GLI3: variants seen among roughly 807,000 people sequenced by gnomAD.
The protein encoded by GLI3 is GLI family zinc finger 3.
In GLI3, 20 loss-of-function variants were observed where a neutral mutation model predicts 100.8. The ratio of observed to expected loss-of-function variants is 0.20; its 90% CI spans 0.14 to 0.29. The LOEUF (loss-of-function observed/expected upper bound fraction) is 0.29, where lower values mean the gene tolerates loss of function less well. Ranked by LOEUF, GLI3 falls within the 10% of genes least tolerant of loss-of-function variation. The pLI is 1.00. For synonymous variants in GLI3, 938 were observed against 860.5 expected (o/e 1.09, Z -1.58); for missense variants, 2,040 against 2,128.5 (o/e 0.96, Z 0.82).
chr7:41,962,717 CTTTAT>C lies in GLI3; in HGVS notation c.*1608_*1612del, dbSNP rs1441496061. 13 of 152,260 alleles carry C rather than the reference CTTTAT, an allele frequency of 8.5e-5. No individual in the cohort carries two copies. The highest frequency in any genetic ancestry group is 3.1e-4 in the African/African-American group (13 of 41,548). The allele number at this position is 152,260 out of a possible 1,614,324, so 9.4% of individuals were successfully genotyped here. On this transcript the variant is annotated 3_prime_UTR_variant, in exon 15 of 15. Coordinates refer to ENST00000395925, the MANE Select transcript of GLI3 (RefSeq NM_000168.6). ...TTAACACTCTTTCTATTATCTAACA[CTTTAT>C]TTTACTTGATTTTGTCTTTCTACTG...
At chr7:41,991,190 T>C (rs1303907784) in intron 10 of GLI3, among the ~76,000 whole-genome samples, 3 of 152,190 alleles carry the variant, frequency 2.0e-5, no homozygotes, top group African/African-American at 7.2e-5. Flanking sequence ...TAGCCTTCAA[T>C]GCACGGACAC....
chr7:42,099,958 C>T (rs1160013995), intron 3 of GLI3, among the ~76,000 whole-genome samples: 2 of 152,262 alleles, frequency 1.3e-5, no homozygotes, highest in Non-Finnish European at 1.5e-5. Flanking sequence ...AGTGCCAATC[C>T]ACTCTCTTTC....
chr7:42,182,663 T>C (rs1787626195), intron 2 of GLI3, among the ~76,000 whole-genome samples: 3 of 60,714 alleles, frequency 4.9e-5, no homozygotes, highest in South Asian at 1.2e-3. Flanking sequence ...TATATATATA[T>C]ATATATATAT....
intron 10 of GLI3, among the ~76,000 whole-genome samples, chr7:42,019,577 T>A (rs554451069): frequency 2.8e-4 from 42 of 152,188 alleles, no homozygotes; most frequent in Middle Eastern, 3.4e-3. Flanking sequence ...CAAACGACAC[T>A]TTGAGAGTGG....
chr7:42,091,239 AC>A (rs1429812701), intron 3 of GLI3, among the ~76,000 whole-genome samples: 2 of 152,280 alleles, frequency 1.3e-5, no homozygotes, highest in African/African-American at 2.4e-5. Flanking sequence ...TCTCTGCTTC[AC>A]CCTTGCCAAC....
At chr7:42,096,787 C>T (rs1785347700) in intron 3 of GLI3, among the ~76,000 whole-genome samples, 1 of 152,164 alleles carries the variant, frequency 6.6e-6, no homozygotes, top group South Asian at 2.1e-4. Context: ...TGAAACCAGA[C>T]TCCAGCCACA....
rs182637149 is a variant in GLI3 at position 42,175,323 on chromosome 7, T to C, written c.125-26855A>G. Among the ~76,000 whole-genome samples the C allele has an allele frequency of 2.4e-4, 36 of 152,266 alleles. No individual in the cohort carries two copies. In the East Asian group the frequency reaches 3.7e-3, roughly 16 times the overall value. On this transcript the variant is annotated intron_variant, in intron 2 of 14. Transcript: ENST00000395925. The stretch of plus-strand genomic sequence containing the variant: ...CCCTTTTGGGGCTCAGTCTCTTCAT[T>C]TGGAGAAATAGGGGCTGGGTACAGT...
chr7:42,042,575 C>T (rs780786529), intron 6 of GLI3, among the ~76,000 whole-genome samples: 4 of 152,128 alleles, frequency 2.6e-5, no homozygotes, highest in South Asian at 2.1e-4. Flanking sequence ...CTAGACAGGA[C>T]GTGGATATAT....
chr7:42,066,495 G>A (rs907435697), intron 4 of GLI3, among the ~76,000 whole-genome samples: 2 of 152,138 alleles, frequency 1.3e-5, no homozygotes, highest in African/African-American at 4.8e-5. Context: ...TAAATATGGT[G>A]CAGTGCATCT....
intron 2 of GLI3, chr7:42,222,907 T>C (rs1410911472): frequency 7.4e-6 from 4 of 538,150 alleles, no homozygotes; most frequent in South Asian, 1.9e-5. Context: ...CACATTTACA[T>C]CTCAAATTAG....
chr7:42,096,091 T>C (rs539306619), intron 3 of GLI3, among the ~76,000 whole-genome samples: 35 of 152,118 alleles, frequency 2.3e-4, no homozygotes, highest in African/African-American at 7.2e-4. Context: ...AGCTGACGGG[T>C]GGAGAAGCCA....
At chr7:41,989,307 T>G (rs540354055) in intron 10 of GLI3, among the ~76,000 whole-genome samples, 1 of 152,356 alleles carries the variant, frequency 6.6e-6, no homozygotes, top group Admixed American at 6.5e-5. Flanking sequence ...AGGCACCTTC[T>G]ATTTCATCTC....
At chr7:41,983,261 A>G (rs1787724929) in intron 10 of GLI3, among the ~76,000 whole-genome samples, 1 of 152,230 alleles carries the variant, frequency 6.6e-6, no homozygotes, top group Non-Finnish European at 1.5e-5. Flanking sequence ...TTCTAGTGCC[A>G]GAGAAAAGAA....
intron 3 of GLI3, among the ~76,000 whole-genome samples, chr7:42,093,249 C>A (rs909975544): frequency 2.0e-5 from 3 of 151,904 alleles, no homozygotes; most frequent in South Asian, 4.2e-4. Flanking sequence ...TGTGGTGGCA[C>A]ATGCCTGTAA....
chr7:42,072,656 G>A (rs1001292014), intron 4 of GLI3, among the ~76,000 whole-genome samples: 1 of 152,158 alleles, frequency 6.6e-6, no homozygotes, highest in Non-Finnish European at 1.5e-5. Flanking sequence ...GGCATCATTT[G>A]TTCCCATAGA....
rs1438177850 is a variant in GLI3 at position 42,172,806 on chromosome 7, C to T, written c.125-24338G>A. 3 of 583,210 alleles carry T rather than the reference C, an allele frequency of 5.1e-6. No individual in the cohort carries two copies. In the East Asian group the frequency reaches 8.4e-5, roughly 16 times the overall value. 36.1% of individuals were successfully genotyped at this position (583,210 alleles called of 1,614,324 possible). A position where few individuals can be genotyped will look rare whatever the true frequency, so the allele number is the denominator to read the frequency against. The stretch of plus-strand genomic sequence containing the variant: ...TTAACAAAGCACAAGCCATTTATGA[C>T]TCTCAAAGAGCCATTCACCTTCTAC... On this transcript the variant is annotated intron_variant, in intron 2 of 14. Coordinates refer to ENST00000395925, the MANE Select transcript of GLI3 (RefSeq NM_000168.6).
In GLI3 at chr7:42,223,215, C is replaced by A. The variant is rs1452276170; in HGVS notation, c.39G>T (p.Lys13Asn). The change falls in exon 2 of 15, where the codon AAG becomes AAT. Residue 13 changes from lysine to asparagine, a missense_variant. Coordinates refer to ENST00000395925, the MANE Select transcript of GLI3 (RefSeq NM_000168.6). ...AQSHSSTTTE[K>N]KKVENSIVKC... ...TCACTATGGAATTCTCAACTTTTTT[C>A]TTTTCAGTGGTCGTGGAGCTGTGGG... The A allele has an allele frequency of 6.2e-7, 1 of 1,613,766 alleles. No individual in the cohort carries two copies. The highest frequency in any genetic ancestry group is 8.5e-7 in the Non-Finnish European group (1 of 1,179,850).
intron 1 of GLI3, among the ~76,000 whole-genome samples, chr7:42,226,471 G>A (rs563398897): frequency 2.6e-4 from 40 of 152,326 alleles, no homozygotes; most frequent in African/African-American, 9.4e-4. Flanking sequence ...AGGCTCAAGT[G>A]AGAAGAGGTA....
At chr7:42,124,258 T>C (rs1159374963) in intron 3 of GLI3, among the ~76,000 whole-genome samples, 1 of 152,222 alleles carries the variant, frequency 6.6e-6, no homozygotes, top group African/African-American at 2.4e-5. Context: ...CCTATATGAC[T>C]ATGTCTTTTT....
Sources: gnomAD v4.1 joint callset for allele counts (sites outside exome capture counted in the v4.1 genomes callset) on GRCh38, gnomAD v4.1.1 for gene constraint, MANE v1.5 for transcripts, NCBI Gene and HGNC (gene_info 2026-07-23, HGNC 2026-07-21) for gene names.